The following TENM3 variants were observed in gnomAD, a reference collection of about 807,000 sequenced individuals.
The protein encoded by TENM3 is teneurin transmembrane protein 3.
A neutral mutation model predicts 255.1 loss-of-function variants in TENM3; 63 were observed. The observed-to-expected ratio is 0.25, with a 90% CI of 0.20 to 0.30. TENM3 has a LOEUF of 0.30. Ranked by LOEUF, TENM3 falls within the 10% of genes least tolerant of loss-of-function variation. TENM3 has a pLI of 1.00. For missense variants in TENM3, 2,929 were observed against 3,461.1 expected, an observed-to-expected ratio of 0.85 and a Z score of 3.86; for synonymous variants, 1,306 against 1,322.3, an observed-to-expected ratio of 0.99 and a Z score of 0.27.
At chr4:181,859,634 G>A in the TENM3 span, among the ~76,000 whole-genome samples, 5 of 152,058 alleles carry the variant, frequency 3.3e-5, no homozygotes, top group Admixed American at 2.6e-4. Flanking sequence ...TGCATTTCCC[G>A]CTATTTTAAG....
At chr4:182,186,762 CATATATATATATAT>C (rs70954298) in intron 1 of TENM3, among the ~76,000 whole-genome samples, 2,467 of 27,188 alleles carry the variant, frequency 0.091, 96 homozygotes, top group Non-Finnish European at 0.1. Flanking sequence ...ACTAATGCAT[CATATATATATATAT>C]ATATATATAT....
At chr4:181,739,957 C>T in the TENM3 span, among the ~76,000 whole-genome samples, 2 of 152,160 alleles carry the variant, frequency 1.3e-5, no homozygotes, top group African/African-American at 2.4e-5. Flanking sequence ...TAGCAACCGG[C>T]GCACATGCTA....
chr4:181,892,806 G>A, the TENM3 span, among the ~76,000 whole-genome samples: 1 of 152,076 alleles, frequency 6.6e-6, no homozygotes, highest in Non-Finnish European at 1.5e-5. Flanking sequence ...GACACATACA[G>A]GCTGAAACTC....
At position 182,189,391 on chromosome 4, in the gene TENM3, A is replaced by G. The variant is rs867596146; in HGVS notation, c.-76+44637A>G. 3.9e-5 allele frequency among the ~76,000 whole-genome samples: 6 copies of G among 152,346 alleles called. No individual in the cohort carries two copies. In the South Asian group the frequency reaches 6.2e-4, roughly 16 times the overall value. On this transcript the variant is annotated intron_variant, in intron 1 of 2. Transcript: ENST00000512480. ...ATAATGAGTGGACGATTTTCACTCTACATACTACATCCGTAATATTGCAGC... is the reference window on the plus strand; with the variant it reads ...ATAATGAGTGGACGATTTTCACTCTGCATACTACATCCGTAATATTGCAGC...
At chr4:182,777,542 T>TGTGTGTGTGTG (rs1579462907) in intron 24 of TENM3, among the ~76,000 whole-genome samples, 2 of 137,086 alleles carry the variant, frequency 1.5e-5, no homozygotes, top group East Asian at 2.2e-4. Flanking sequence ...TGTGTGTGTG[T>TGTGTGTGTGTG]ATTTCTTTTT....
the TENM3 span, among the ~76,000 whole-genome samples, chr4:182,121,394 T>C: frequency 8.6e-5 from 13 of 152,040 alleles, no homozygotes; most frequent in Non-Finnish European, 1.3e-4. Context: ...GTTGGGCTAT[T>C]GCAATAACAT....
At chr4:182,660,347 T>C (rs1754125572) in intron 6 of TENM3, among the ~76,000 whole-genome samples, 1 of 152,200 alleles carries the variant, frequency 6.6e-6, no homozygotes, top group Non-Finnish European at 1.5e-5. Context: ...TGCAAAGTAC[T>C]AGTATAGAAT....
the TENM3 span, chr4:181,976,624 G>T: frequency 2.0e-5 from 3 of 152,216 alleles, no homozygotes; most frequent in Non-Finnish European, 4.4e-5. Flanking sequence ...GGCTGTGAGT[G>T]TTCACAGGTT....
At chr4:182,462,705 G>A (rs1308569661) in intron 3 of TENM3, among the ~76,000 whole-genome samples, 1 of 151,824 alleles carries the variant, frequency 6.6e-6, no homozygotes, top group Non-Finnish European at 1.5e-5. Flanking sequence ...TGGCCAACAT[G>A]GTGAAACCCT....
chr4:181,769,448 G>A, the TENM3 span, among the ~76,000 whole-genome samples: 5 of 152,128 alleles, frequency 3.3e-5, no homozygotes, highest in African/African-American at 4.8e-5. Flanking sequence ...TCTACCAAGT[G>A]GATATAATAA....
intron 3 of TENM3, among the ~76,000 whole-genome samples, chr4:182,460,982 G>A (rs763493978): frequency 2.0e-5 from 3 of 152,070 alleles, no homozygotes; most frequent in Admixed American, 6.6e-5. Flanking sequence ...CCTAGTAAGC[G>A]CTTTATCATC....
In TENM3 at chr4:182,601,148, C is replaced by T; in HGVS notation, c.736C>T (p.Pro246Ser). The change falls in exon 4 of 28, where the codon CCA becomes TCA. Residue 246 changes from proline to serine, a missense_variant. Physicochemically the swap from Pro to Ser is moderately conservative, Grantham distance 74 (BLOSUM62 -1). Coordinates refer to ENST00000511685, the MANE Select transcript of TENM3 (RefSeq NM_001080477.4). ...CAGCTGGGTCCTTGGCAGTAATGTA[C>T]CACTGGAAAGCAGGTAACATCTAAA... The part of the protein sequence containing the change: ...QDSWVLGSNV[P>S]LESRHFLFKT... 2 of 1,613,438 alleles carry T rather than the reference C, an allele frequency of 1.2e-6. No individual in the cohort carries two copies. Among genetic ancestry groups the T allele is most frequent in the Non-Finnish European group, 1.7e-6 (2 of 1,179,504 alleles).
intron 5 of TENM3, among the ~76,000 whole-genome samples, chr4:182,651,722 T>G (rs1034388650): frequency 6.7e-6 from 1 of 149,586 alleles, no homozygotes; most frequent in Non-Finnish European, 1.5e-5. Flanking sequence ...AATCAGAGTT[T>G]AAGAGGAATT....
the TENM3 span, among the ~76,000 whole-genome samples, chr4:181,830,793 T>C: frequency 6.6e-6 from 1 of 151,846 alleles, no homozygotes; most frequent in African/African-American, 2.4e-5. Context: ...TCCTGGAGAG[T>C]CTCCTGTCCA....
At chr4:182,225,687 C>G (rs774010012) in intron 1 of TENM3, among the ~76,000 whole-genome samples, 5 of 152,090 alleles carry the variant, frequency 3.3e-5, no homozygotes, top group Non-Finnish European at 1.5e-5. Context: ...AAAGGGCCAA[C>G]CAGGGACACG....
the TENM3 span, among the ~76,000 whole-genome samples, chr4:182,090,708 C>A: frequency 3.9e-5 from 6 of 152,202 alleles, no homozygotes; most frequent in African/African-American, 1.4e-4. Flanking sequence ...TTCCTAACAA[C>A]CTTCACTGAA....
intron 3 of TENM3, among the ~76,000 whole-genome samples, chr4:182,592,209 A>C (rs1746730833): frequency 6.6e-6 from 1 of 151,910 alleles, no homozygotes; most frequent in African/African-American, 2.4e-5. Flanking sequence ...ATAGCTCCTG[A>C]AATGTAACCA....
At chr4:181,599,702 G>A in the TENM3 span, among the ~76,000 whole-genome samples, 1 of 152,152 alleles carries the variant, frequency 6.6e-6, no homozygotes, top group Non-Finnish European at 1.5e-5. Flanking sequence ...ATTTAGGAGT[G>A]AAGAACACTG....
chr4:181,844,555 C>T, the TENM3 span, among the ~76,000 whole-genome samples: 1 of 151,814 alleles, frequency 6.6e-6, no homozygotes, highest in Non-Finnish European at 1.5e-5. Flanking sequence ...GTAGTCCCAG[C>T]TACTCGGGAG....
Sources: allele counts gnomAD v4.1 joint callset (sites outside exome capture counted in the v4.1 genomes callset), GRCh38; gene constraint gnomAD v4.1.1; transcripts MANE v1.5; gene names NCBI Gene and HGNC (gene_info 2026-07-23, HGNC 2026-07-21).